Variants in MTAP observed in about 807,000 individuals in gnomAD.
The protein encoded by MTAP is S-methyl-5'-thioadenosine phosphorylase.
In MTAP, 33 loss-of-function variants were observed where a neutral mutation model predicts 33.6. That is an observed-to-expected ratio of 0.98 (90% CI 0.74 to 1.31). The LOEUF (loss-of-function observed/expected upper bound fraction) is 1.31. Among genes scored for constraint, MTAP ranks in the 40% most tolerant of loss-of-function variants. The pLI, the probability that MTAP is intolerant of heterozygous loss-of-function variation, is 0.00. For synonymous variants in MTAP, 148 were observed against 125.7 expected, an observed-to-expected ratio of 1.18 and a Z score of -1.19; for missense variants, 367 against 360.0, an observed-to-expected ratio of 1.02 and a Z score of -0.16.
At chr9:21,873,007 G>T (rs1825958368) in intron 1 of MTAP, among the ~76,000 whole-genome samples, 1 of 152,036 alleles carries the variant, frequency 6.6e-6, no homozygotes, top group African/African-American at 2.4e-5. Context: ...CAAATACATT[G>T]GTTCCTTGAT....
intron 1 of MTAP, among the ~76,000 whole-genome samples, chr9:21,895,457 T>A (rs2118770366): frequency 6.6e-6 from 1 of 152,250 alleles, no homozygotes; most frequent in East Asian, 1.9e-4. Flanking sequence ...AGGTACCGGG[T>A]TCATCTCACT....
At chr9:21,834,897 G>A (rs1477979882) in intron 4 of MTAP, among the ~76,000 whole-genome samples, 3 of 152,154 alleles carry the variant, frequency 2.0e-5, no homozygotes, top group East Asian at 1.9e-4. Context: ...CTATTGGGAG[G>A]TAGCCACTGG....
intron 1 of MTAP, among the ~76,000 whole-genome samples, chr9:21,883,019 A>T (rs1587272933): frequency 6.6e-6 from 1 of 152,068 alleles, no homozygotes. Context: ...AGAAGTGATT[A>T]AAAAAGAAAA....
At position 21,872,669 on chromosome 9, in the gene MTAP, A is replaced by G. The variant is rs189663883; in HGVS notation, c.147+17799A>G. On this transcript the variant is annotated intron_variant, in intron 1 of 1. Coordinates refer to the MTAP transcript ENST00000577563. ...AGTCAAGCTAAAGAAGAAAAAAGCA[A>G]ATTGCATTATGAAAATGCTATACTA... Among the ~76,000 whole-genome samples the G allele has an allele frequency of 3.3e-5, 5 of 152,376 alleles. No individual in the cohort carries two copies. In the East Asian group the frequency reaches 9.6e-4, roughly 29 times the overall value.
intron 4 of MTAP, among the ~76,000 whole-genome samples, chr9:21,820,256 T>C (rs1038434499): frequency 2.6e-5 from 4 of 152,222 alleles, no homozygotes; most frequent in Non-Finnish European, 5.9e-5. Context: ...GGTTTTCTTC[T>C]AGGGTTTTTA....
Position 21,865,192 on chromosome 9 carries a change from C to T in MTAP, c.*3178C>T. 1.6e-6 allele frequency: 1 copy of T among 643,394 alleles called. No homozygotes were observed. The highest frequency in any genetic ancestry group is 1.9e-6 in the Non-Finnish European group (1 of 517,698). The allele number at this position is 643,394 out of a possible 1,614,324, so 39.9% of individuals were successfully genotyped here. ...TAAATCATGGGGGTGGTTACCCCCA[C>T]ACTGCTGTTCTCATGATACTGAGTT... On this transcript the variant is annotated 3_prime_UTR_variant, in exon 8 of 8. Transcript: ENST00000644715.
At chr9:21,935,346 T>G (rs1231433185), downstream of MTAP, 1 of 151,964 alleles carries the variant, frequency 6.6e-6, no homozygotes, top group East Asian at 1.9e-4. Context: ...TGGGCCAAAT[T>G]TGAGAACTGC....
chr9:21,918,740 A>G (rs1162148624), intron 1 of MTAP, among the ~76,000 whole-genome samples: 2 of 152,150 alleles, frequency 1.3e-5, no homozygotes, highest in Non-Finnish European at 2.9e-5. Flanking sequence ...ATGGTTTTAT[A>G]AAGGGGAGTT....
intron 4 of MTAP, among the ~76,000 whole-genome samples, chr9:21,829,419 T>TTTG (rs1224376193): frequency 4.0e-5 from 1 of 25,276 alleles, no homozygotes; most frequent in Non-Finnish European, 6.5e-5. Flanking sequence ...CTTTTGTTGT[T>TTTG]TTTTTTTTTT....
downstream of MTAP, among the ~76,000 whole-genome samples, chr9:21,938,485 G>T (rs1487876774): frequency 6.6e-6 from 1 of 151,928 alleles, no homozygotes; most frequent in African/African-American, 2.4e-5. Flanking sequence ...AAGAAAAAAA[G>T]AGAATTGCAT....
chr9:21,907,060 G>A (rs1818488705), intron 1 of MTAP, among the ~76,000 whole-genome samples: 1 of 152,166 alleles, frequency 6.6e-6, no homozygotes, highest in African/African-American at 2.4e-5. Context: ...GGTTAAGGGA[G>A]GTGAGTGGGT....
At chr9:21,892,579 A>C (rs189673063) in intron 1 of MTAP, 1 of 152,252 alleles carries the variant, frequency 6.6e-6, no homozygotes, top group Non-Finnish European at 1.5e-5. Flanking sequence ...ATTATCCTAA[A>C]TATATATGCA....
Position 21,865,375 on chromosome 9 carries a change from C to T in MTAP, c.*3361C>T, listed in dbSNP as rs138870323. ...TATGTGGAACTGTGAGTTAATTAAA[C>T]CTCTTTCCTTTATAAATTACCCAGT... On this transcript the variant is annotated 3_prime_UTR_variant, in exon 8 of 8. Coordinates refer to ENST00000644715, the MANE Select transcript of MTAP (RefSeq NM_002451.4). The T allele has an allele frequency of 6.7e-5, 62 of 923,818 alleles. No individual in the cohort carries two copies. In the East Asian group the frequency reaches 6.1e-3, roughly 91 times the overall value. 57.2% of individuals were successfully genotyped at this position (923,818 alleles called of 1,614,324 possible).
chr9:21,819,595 A>G (rs1824578134), intron 4 of MTAP, among the ~76,000 whole-genome samples: 1 of 152,226 alleles, frequency 6.6e-6, no homozygotes. Flanking sequence ...GTGCCGCAAT[A>G]AACATACGTG....
chr9:21,904,322 C>T (rs1196632754), intron 1 of MTAP, among the ~76,000 whole-genome samples: 1 of 152,202 alleles, frequency 6.6e-6, no homozygotes, highest in Non-Finnish European at 1.5e-5. Context: ...GGAAATGCAA[C>T]ATTTGCGCAG....
At chr9:21,822,933 A>G (rs868170217) in intron 4 of MTAP, among the ~76,000 whole-genome samples, 29 of 152,160 alleles carry the variant, frequency 1.9e-4, no homozygotes, top group South Asian at 8.3e-4. Flanking sequence ...CTGTTTTATC[A>G]GAGACTAGGA....
chr9:21,820,489 T>A (rs942689370), intron 4 of MTAP, among the ~76,000 whole-genome samples: 4 of 152,188 alleles, frequency 2.6e-5, no homozygotes, highest in Non-Finnish European at 5.9e-5. Flanking sequence ...TCTGTTCTGT[T>A]CCATTGGTCT....
chr9:21,873,600 T>A (rs1825964385), intron 1 of MTAP, among the ~76,000 whole-genome samples: 1 of 137,126 alleles, frequency 7.3e-6, no homozygotes, highest in Non-Finnish European at 1.5e-5. Flanking sequence ...GATCTTGGAC[T>A]TCCACCCCCG....
chr9:21,934,286 T>C (rs1208989951), downstream of MTAP: 1 of 152,240 alleles, frequency 6.6e-6, no homozygotes, highest in Admixed American at 6.5e-5. The surrounding 1 kb of genome is among the most constrained non-coding windows in gnomAD (Gnocchi z 5.0). Flanking sequence ...TACTCCTAAA[T>C]TAGGTTTTCA....
Sources: allele counts gnomAD v4.1 joint callset (sites outside exome capture counted in the v4.1 genomes callset), GRCh38; gene constraint gnomAD v4.1.1; non-coding constraint Gnocchi (gnomAD v3.1); transcripts MANE v1.5; gene names NCBI Gene and HGNC (gene_info 2026-07-23, HGNC 2026-07-21).